The following ATP6V1H variants were observed in gnomAD, a reference collection of about 807,000 sequenced individuals.
ATP6V1H encodes ATPase H+ transporting V1 subunit H, also known as V-type proton ATPase subunit H.
ATP6V1H carries 39 observed loss-of-function variants against 71.7 expected under a neutral mutation model. The observed-to-expected ratio is 0.54, with a 90% confidence interval of 0.42 to 0.71. The LOEUF (loss-of-function observed/expected upper bound fraction) is 0.71. Among genes scored for constraint, ATP6V1H ranks in the 30% least tolerant of loss-of-function variants. The pLI is 0.00. For missense variants in ATP6V1H, 509 were observed against 594.9 expected (o/e 0.86, Z 1.50); for synonymous variants, 192 against 199.3 (o/e 0.96, Z 0.31).
At chr8:53,768,231 G>C (rs1808535340) in intron 11 of ATP6V1H, among the ~76,000 whole-genome samples, 1 of 152,114 alleles carries the variant, frequency 6.6e-6, no homozygotes, top group Non-Finnish European at 1.5e-5. Flanking sequence ...ACCACAATGA[G>C]ATATCACTGC....
chr8:53,783,990 G>C (rs1255132320), intron 9 of ATP6V1H, among the ~76,000 whole-genome samples: 1 of 152,206 alleles, frequency 6.6e-6, no homozygotes, highest in Non-Finnish European at 1.5e-5. Context: ...AATAGGTGTG[G>C]TGTGGTGCTG....
At chr8:53,824,568 T>C (rs1226538803) in intron 4 of ATP6V1H, among the ~76,000 whole-genome samples, 1 of 152,116 alleles carries the variant, frequency 6.6e-6, no homozygotes, top group African/African-American at 2.4e-5. Context: ...TTCAGTATTA[T>C]AAAATCCATT....
intron 4 of ATP6V1H, among the ~76,000 whole-genome samples, chr8:53,828,952 T>C (rs1810908486): frequency 6.6e-6 from 1 of 152,096 alleles, no homozygotes; most frequent in Non-Finnish European, 1.5e-5. Flanking sequence ...CATAATTGGG[T>C]TCAGGGATGG....
chr8:53,792,424 C>G (rs1809594724), intron 9 of ATP6V1H, among the ~76,000 whole-genome samples: 1 of 152,230 alleles, frequency 6.6e-6, no homozygotes, highest in Non-Finnish European at 1.5e-5. Flanking sequence ...CTGAACACCA[C>G]TCCTCCATGC....
Position 53,773,850 on chromosome 8 carries a change from C to A in ATP6V1H, c.871-1683G>T, listed in dbSNP as rs527468865. 9.2e-5 allele frequency among the ~76,000 whole-genome samples: 14 copies of A among 152,032 alleles called. No individual in the cohort carries two copies. In the East Asian group the frequency reaches 2.7e-3, roughly 29 times the overall value. On this transcript the variant is annotated intron_variant, in intron 9 of 13. Coordinates refer to ENST00000359530, the MANE Select transcript of ATP6V1H (RefSeq NM_015941.4). ...AATTATTTAAAAAGAAACAGAAATC[C>A]TAGAAGTAAAACTACAATTTCTGAA...
At chr8:53,758,988 T>C (rs1370541270) in intron 11 of ATP6V1H, among the ~76,000 whole-genome samples, 3 of 152,262 alleles carry the variant, frequency 2.0e-5, no homozygotes, top group African/African-American at 4.8e-5. Flanking sequence ...CCATTCTCCA[T>C]ATGGCTGAGA....
chr8:53,725,299 G>GTTGA (rs1806774628), intron 13 of ATP6V1H, among the ~76,000 whole-genome samples: 1 of 152,114 alleles, frequency 6.6e-6, no homozygotes, highest in Admixed American at 6.6e-5. Flanking sequence ...TGACGCCTGT[G>GTTGA]CCACCGTGGG....
At chr8:53,822,771 A>C (rs1250999916) in intron 4 of ATP6V1H, among the ~76,000 whole-genome samples, 1 of 152,122 alleles carries the variant, frequency 6.6e-6, no homozygotes, top group Non-Finnish European at 1.5e-5. Context: ...CCTAAAACAA[A>C]ATGATTCACC....
At chr8:53,832,400 C>T (rs1257021086) in intron 3 of ATP6V1H, 1 of 152,026 alleles carries the variant, frequency 6.6e-6, no homozygotes, top group East Asian at 1.9e-4. Flanking sequence ...TTTTAAACCA[C>T]TGTATATGAA....
At chr8:53,730,873 A>C (rs767209880) in intron 13 of ATP6V1H, among the ~76,000 whole-genome samples, 9 of 152,210 alleles carry the variant, frequency 5.9e-5, no homozygotes, top group Non-Finnish European at 1.2e-4. Flanking sequence ...GAGCAGTAGG[A>C]TGAAGGGCTC....
Position 53,737,229 on chromosome 8 carries a change from A to T in ATP6V1H, c.1391+6348T>A, listed in dbSNP as rs539050705. 3.5e-3 allele frequency among the ~76,000 whole-genome samples: 531 copies of T among 152,280 alleles called. 10 individuals are homozygous for T. The highest frequency in any genetic ancestry group is 0.032 in the Admixed American group (492 of 15,298). On this transcript the variant is annotated intron_variant, in intron 13 of 13. Transcript: ENST00000359530. ...TTTGTCTGCGGCTCGTCCTGCTATG[A>T]CAGTGCACTGAAATTGTGTGCTACG...
chr8:53,841,670 T>C lies in ATP6V1H; in HGVS notation c.21A>G (p.Arg7=). 1 of 1,613,928 alleles carries C rather than the reference T, an allele frequency of 6.2e-7. No homozygotes were observed. The highest frequency in any genetic ancestry group is 8.5e-7 in the Non-Finnish European group (1 of 1,179,856). The change falls in exon 2 of 14, where the codon CGA becomes CGG. Residue 7 remains arginine (R), a synonymous_variant. Coordinates refer to ENST00000359530, the MANE Select transcript of ATP6V1H (RefSeq NM_015941.4). The part of the protein sequence containing the change: MTKMDI[R]GAVDAAVPTN... The stretch of plus-strand genomic sequence containing the variant: ...TGGGGACAGCAGCATCCACAGCACC[T>C]CGGATATCCATTTTGGTCATCTAAA...
chr8:53,836,149 T>C (rs1811154898), intron 2 of ATP6V1H, among the ~76,000 whole-genome samples: 2 of 152,182 alleles, frequency 1.3e-5, no homozygotes, highest in African/African-American at 4.8e-5. Flanking sequence ...CCAGTCTAGA[T>C]CTGGCCCCAA....
intron 7 of ATP6V1H, among the ~76,000 whole-genome samples, chr8:53,809,082 A>C (rs897778171): frequency 2.0e-5 from 3 of 152,176 alleles, no homozygotes; most frequent in African/African-American, 7.2e-5. Context: ...TGCAATTCCA[A>C]CTCAGCTGCC....
rs193088219 is a variant in ATP6V1H, at chr8:53,798,179, C to G, written c.678-2340G>C. 5.0e-3 allele frequency among the ~76,000 whole-genome samples: 757 copies of G among 152,114 alleles called. 7 individuals are homozygous for G. The highest frequency in any genetic ancestry group is 0.017 in the African/African-American group (696 of 41,486). On this transcript the variant is annotated intron_variant, in intron 8 of 13. Coordinates refer to ENST00000359530, the MANE Select transcript of ATP6V1H (RefSeq NM_015941.4). ...ATGTATATAATAGGCTTTTTAACAA[C>G]AATAAAAAAGTCAGCAAACTATATA... is the stretch of plus-strand genomic sequence containing the variant.
At chr8:53,732,896 G>C (rs1359181832) in intron 13 of ATP6V1H, among the ~76,000 whole-genome samples, 1 of 152,076 alleles carries the variant, frequency 6.6e-6, no homozygotes, top group Non-Finnish European at 1.5e-5. Flanking sequence ...GGGAGGATCA[G>C]AGCCGCGAGA....
At chr8:53,785,946 T>C (rs917392649) in intron 9 of ATP6V1H, among the ~76,000 whole-genome samples, 4 of 152,188 alleles carry the variant, frequency 2.6e-5, no homozygotes, top group African/African-American at 9.6e-5. Flanking sequence ...CAGTCCACCC[T>C]TACTGCGGGA....
chr8:53,730,314 A>C (rs1806974013), intron 13 of ATP6V1H, among the ~76,000 whole-genome samples: 3 of 152,242 alleles, frequency 2.0e-5, no homozygotes, highest in Non-Finnish European at 4.4e-5. Context: ...TTGGAGAAGA[A>C]CAAGAAAAAC....
chr8:53,718,234 A>G (rs1381940585), intron 13 of ATP6V1H, among the ~76,000 whole-genome samples: 1 of 152,208 alleles, frequency 6.6e-6, no homozygotes, highest in Non-Finnish European at 1.5e-5. Flanking sequence ...AAGTGGGGCC[A>G]AAGTAGGACA....
Sources: gnomAD v4.1 joint callset for allele counts (sites outside exome capture counted in the v4.1 genomes callset) on GRCh38, gnomAD v4.1.1 for gene constraint, MANE v1.5 for transcripts, NCBI Gene and HGNC (gene_info 2026-07-23, HGNC 2026-07-21) for gene names.